NAT10: variants seen among roughly 807,000 people sequenced by gnomAD.
The protein encoded by NAT10 is N-acetyltransferase 10.
NAT10 carries 109 observed loss-of-function variants against 132.2 expected under a neutral mutation model. The observed-to-expected ratio is 0.82, with a 90% CI of 0.71 to 0.97. The LOEUF (loss-of-function observed/expected upper bound fraction) is 0.97, where lower values mean the gene tolerates loss of function less well. Among genes scored for constraint, NAT10 ranks in the 50% least tolerant of loss-of-function variants. The pLI, the probability that NAT10 is intolerant of heterozygous loss-of-function variation, is 0.00. For missense variants in NAT10, 1,184 were observed against 1,263.4 expected (o/e 0.94, Z 0.95); for synonymous variants, 479 against 478.0 (o/e 1.00, Z -0.03).
chr11:34,141,408 T>TCACACACACACACACACACACACA (rs59489457), intron 25 of NAT10, among the ~76,000 whole-genome samples, 200 bp downstream of exon 25: 27 of 132,960 alleles, frequency 2.0e-4, no homozygotes, highest in African/African-American at 7.7e-4. Context: ...TCATCACACA[T>TCACACACACACACACACACACACA]CACACACACA....
intron 23 of NAT10, among the ~76,000 whole-genome samples, chr11:34,139,847 C>T (rs1590782113): frequency 6.6e-6 from 1 of 152,140 alleles, no homozygotes; most frequent in South Asian, 2.1e-4. Flanking sequence ...ATGCTGCTAG[C>T]CTTCTGTAGC....
At position 34,118,473 on chromosome 11, in the gene NAT10, G is replaced by A. The variant is rs757412288; in HGVS notation, c.750G>A (p.Val250=). The A allele has an allele frequency of 7.4e-6, 12 of 1,614,052 alleles. No individual in the cohort carries two copies. The South Asian group carries it at 1.3e-4, about 18-fold the overall frequency. ...ESLQDTQPVG[V]LVDCCKTLDQ... is the part of the protein sequence containing the mutation. ...TGCAGGACACCCAGCCTGTGGGTGT[G>A]TTGGTGGACTGCTGTAAGACTCTAG... The change falls in exon 8 of 29, where the codon GTG becomes GTA. Residue 250 remains valine, a synonymous_variant. Coordinates refer to ENST00000257829, the MANE Select transcript of NAT10 (RefSeq NM_024662.3).
At chr11:34,143,236 G>C (rs1270147905) in intron 27 of NAT10, among the ~76,000 whole-genome samples, 1 of 152,206 alleles carries the variant, frequency 6.6e-6, no homozygotes, top group Non-Finnish European at 1.5e-5. Context: ...CTCCTGTGGA[G>C]CTTCTATCCA....
rs142656226 is a variant in NAT10, at chr11:34,118,931, C to A, written c.780+428C>A. ...GGACAGATTACATTGAAAGAGGAAT[C>A]CTCTCACCACTTTTTCCAAGAGAGG... On this transcript the variant is annotated intron_variant, in intron 8 of 28. Coordinates refer to ENST00000257829, the MANE Select transcript of NAT10 (RefSeq NM_024662.3). Among the ~76,000 whole-genome samples the A allele has an allele frequency of 3.9e-5, 6 of 152,278 alleles. No individual in the cohort carries two copies. In the East Asian group the frequency reaches 1.2e-3, roughly 29 times the overall value.
chr11:34,119,568 A>G (rs1851850632), intron 8 of NAT10, among the ~76,000 whole-genome samples: 1 of 152,246 alleles, frequency 6.6e-6, no homozygotes, highest in Non-Finnish European at 1.5e-5. Context: ...TGTTATAAGA[A>G]AACAAATGGC....
intron 21 of NAT10, 172 bp from the exon 22 acceptor site, chr11:34,139,019 A>G: frequency 1.7e-6 from 1 of 595,958 alleles, no homozygotes; most frequent in East Asian, 2.8e-5. Flanking sequence ...AGGTGATATG[A>G]GGAAGGTGAA....
At chr11:34,135,153 T>G (rs1590777874) in intron 18 of NAT10, 22 bp from the exon 19 acceptor site, 1 of 1,596,946 alleles carries the variant, frequency 6.3e-7, no homozygotes, top group African/African-American at 1.3e-5. Flanking sequence ...CTCGGCCTCT[T>G]CCCCTTCACG....
chr11:34,141,708 G>A lies in NAT10; in HGVS notation c.2713-11G>A, dbSNP rs199838790. The A allele has an allele frequency of 2.9e-5, 46 of 1,613,428 alleles. No individual in the cohort carries two copies. The African/African-American group carries it at 5.5e-4, about 19-fold the overall frequency. On this transcript the variant is annotated splice_polypyrimidine_tract_variant and intron_variant, in intron 25 of 28. Coordinates refer to ENST00000257829, the MANE Select transcript of NAT10 (RefSeq NM_024662.3). ...TTCATCTTCTGCTTCTCTGTTGGTT[G>A]TCTTTTGTAGCTATTTAATGAAGTT...
chr11:34,109,805 A>G (rs969684788), intron 3 of NAT10, among the ~76,000 whole-genome samples: 1 of 152,210 alleles, frequency 6.6e-6, no homozygotes, highest in African/African-American at 2.4e-5. Flanking sequence ...ATCTCAGTGT[A>G]TCTGCTCTAT....
At chr11:34,120,076 G>A (rs185781940) in intron 8 of NAT10, among the ~76,000 whole-genome samples, 4 of 151,392 alleles carry the variant, frequency 2.6e-5, no homozygotes, top group African/African-American at 7.3e-5. Flanking sequence ...AATTAGGAGA[G>A]AGGAGGGTAC....
intron 18 of NAT10, 146 bp downstream of exon 18, chr11:34,134,732 G>T: frequency 1.4e-6 from 1 of 729,748 alleles, no homozygotes; most frequent in East Asian, 2.6e-5. Flanking sequence ...GCCAGGGTTC[G>T]GGGTGGGTGG....
At chr11:34,115,037 T>C (rs1025852045) in intron 5 of NAT10, among the ~76,000 whole-genome samples, 2 of 152,130 alleles carry the variant, frequency 1.3e-5, no homozygotes, top group Non-Finnish European at 2.9e-5. Flanking sequence ...ACACCTGTAA[T>C]TCCAGCTACT....
Position 34,108,815 on chromosome 11 carries a change from A to G in NAT10, c.182A>G (p.Lys61Arg). ...ARPSVLWCYKKELGFSSHRKK... is the reference protein window; with the variant it reads ...ARPSVLWCYKRELGFSSHRKK... ...CCTTCAGTGCTGTGGTGTTATAAGA[A>G]AGAGCTGGGGTTTAGCAGGTAAGCT... Residue 61 changes from lysine (K) to arginine (R), a missense_variant, in exon 3 of 29, where the codon AAA becomes AGA. Physicochemically the swap from Lys to Arg is conservative, Grantham distance 26 (BLOSUM62 2). Coordinates refer to ENST00000257829, the MANE Select transcript of NAT10 (RefSeq NM_024662.3). 1.2e-6 allele frequency: 2 copies of G among 1,613,868 alleles called. No homozygotes were observed. Among genetic ancestry groups the G allele is most frequent in the Non-Finnish European group, 1.7e-6 (2 of 1,179,914 alleles).
rs779062654 is a variant in NAT10 at position 34,136,682 on chromosome 11, AC to A, written c.2071del (p.Leu691CysfsTer8). On this transcript the variant is annotated frameshift_variant, in exon 20 of 29. Coordinates refer to ENST00000257829, the MANE Select transcript of NAT10 (RefSeq NM_024662.3). LOFTEE classifies it high-confidence loss of function. ...LLEEVITPRK[D>X]LPPLLLKLNE... Reference sequence around the variant, plus strand: ...GAAGAGGTCATCACTCCCCGGAAGGACCTGCCTCCTTTACTCCTCAAATTGA... The same window carrying A: ...GAAGAGGTCATCACTCCCCGGAAGGACTGCCTCCTTTACTCCTCAAATTGA... The A allele has an allele frequency of 6.2e-7, 1 of 1,614,108 alleles. No homozygotes were observed. The highest frequency in any genetic ancestry group is 1.1e-5 in the South Asian group (1 of 91,084).
chr11:34,112,012 G>C, intron 3 of NAT10, 40 bp from the exon 4 acceptor site: 1 of 1,610,502 alleles, frequency 6.2e-7, no homozygotes, highest in South Asian at 1.1e-5. Context: ...AGCTGCTCTG[G>C]TTAACTGGCT....
chr11:34,132,353 A>G (rs1852121107), intron 15 of NAT10, 132 bp downstream of exon 15: 2 of 758,600 alleles, frequency 2.6e-6, no homozygotes, highest in Admixed American at 3.8e-5. Context: ...GATGAGTTCC[A>G]CTGATCTTGC....
intron 28 of NAT10, among the ~76,000 whole-genome samples, chr11:34,145,597 A>G (rs1852426478): frequency 1.3e-5 from 2 of 152,162 alleles, no homozygotes; most frequent in Non-Finnish European, 2.9e-5. Flanking sequence ...TTCTTCTCAT[A>G]TAGGAAAAAT....
chr11:34,114,172 T>C (rs1851745974), intron 5 of NAT10, among the ~76,000 whole-genome samples: 1 of 152,178 alleles, frequency 6.6e-6, no homozygotes, highest in African/African-American at 2.4e-5. Context: ...AATTTGTGTA[T>C]TGCAAAAAAA....
intron 3 of NAT10, among the ~76,000 whole-genome samples, chr11:34,109,676 G>A (rs1175772079): frequency 6.6e-6 from 1 of 152,134 alleles, no homozygotes; most frequent in African/African-American, 2.4e-5. Context: ...ATACAATTTG[G>A]CACAAAGGGA....
Sources: allele counts gnomAD v4.1 joint callset (sites outside exome capture counted in the v4.1 genomes callset), GRCh38; gene constraint gnomAD v4.1.1; transcripts MANE v1.5; gene names NCBI Gene and HGNC (gene_info 2026-07-23, HGNC 2026-07-21).